Variants in ZFHX3 observed in about 807,000 individuals in gnomAD.
The protein encoded by ZFHX3 is zinc finger homeobox protein 3.
Under a neutral mutation model 279.1 loss-of-function variants are expected in ZFHX3, and 42 were observed. The ratio of observed to expected loss-of-function variants is 0.15; its 90% CI spans 0.12 to 0.19. The LOEUF (loss-of-function observed/expected upper bound fraction) is 0.19, where lower values mean the gene tolerates loss of function less well. Ranked by LOEUF, ZFHX3 falls within the 10% of genes least tolerant of loss-of-function variation. The pLI, the probability that ZFHX3 is intolerant of heterozygous loss-of-function variation, is 1.00. For missense variants in ZFHX3, 4,981 were observed against 4,754.0 expected (o/e 1.05, Z -1.40); for synonymous variants, 2,293 against 1,957.8 (o/e 1.17, Z -4.52).
At position 72,796,658 on chromosome 16, in the gene ZFHX3, A is replaced by T; in HGVS notation, c.6024T>A (p.Asn2008Lys). ...TCTCGAGCTGTTTGAAAGGAAAGTA[A>T]TTCTGATGAACGTGCTCTTGATGAC... ...LKSHQEHVHQ[N>K]YFPFKQLERF... The change falls in exon 9 of 10, where the codon AAT becomes AAA. Residue 2008 changes from asparagine (N) to lysine (K), a missense_variant. Around this residue, in one of 7 missense-constraint regions of ZFHX3, gnomAD observed 1,751 missense variants for 1,770.0 expected, o/e 0.99. Transcript: ENST00000268489. 1.2e-6 allele frequency: 2 copies of T among 1,614,052 alleles called. No individual in the cohort carries two copies. Among genetic ancestry groups the T allele is most frequent in the Non-Finnish European group, 8.5e-7 (1 of 1,180,022 alleles).
chr16:73,818,689 G>A (rs1441844850), intron 1 of ZFHX3, among the ~76,000 whole-genome samples: 1 of 152,172 alleles, frequency 6.6e-6, no homozygotes, highest in Non-Finnish European at 1.5e-5. Context: ...TCAAGGTAAG[G>A]GAGATGAAAG....
intron 3 of ZFHX3, among the ~76,000 whole-genome samples, chr16:73,356,519 C>T (rs2016343677): frequency 6.6e-6 from 1 of 152,018 alleles, no homozygotes; most frequent in Non-Finnish European, 1.5e-5. Flanking sequence ...GTGACACATG[C>T]CTTGTTCTAC....
At chr16:73,198,059 T>G (rs1323819185) in intron 5 of ZFHX3, among the ~76,000 whole-genome samples, 3 of 148,980 alleles carry the variant, frequency 2.0e-5, no homozygotes, top group African/African-American at 2.5e-5. Flanking sequence ...TGCCTCAGCC[T>G]CCTGAGTAGC....
rs145260850 is a variant in ZFHX3, at chr16:73,248,645, A to ATGTGTGTGTGTGTGTGTG, written c.-1104+8384_-1104+8401dup. On this transcript the variant is annotated intron_variant, in intron 5 of 17. Coordinates refer to the ZFHX3 transcript ENST00000641206. Reference sequence around the variant, plus strand: ...CTACGTGCCTGTATGTGGAGAATGTATGTGTGTGTGTGTGTGTGTGCACGT... The same window carrying ATGTGTGTGTGTGTGTGTG: ...CTACGTGCCTGTATGTGGAGAATGTATGTGTGTGTGTGTGTGTGTGTGTGTGTGTGTGTGTGTGCACGT... 4.9e-4 allele frequency among the ~76,000 whole-genome samples: 73 copies of ATGTGTGTGTGTGTGTGTG among 149,120 alleles called. 1 individual carries two copies. The highest frequency in any genetic ancestry group is 9.9e-4 in the African/African-American group (40 of 40,506).
intron 5 of ZFHX3, among the ~76,000 whole-genome samples, chr16:73,179,140 A>T (rs538879710): frequency 5.9e-5 from 9 of 152,212 alleles, no homozygotes; most frequent in Admixed American, 1.3e-4. Context: ...ATGTTTACAC[A>T]GATTGCCCTT....
intron 1 of ZFHX3, among the ~76,000 whole-genome samples, chr16:73,707,506 C>T (rs1023051868): frequency 8.8e-5 from 13 of 146,998 alleles, no homozygotes; most frequent in South Asian, 2.1e-4. Context: ...AACCAAGCAC[C>T]GCATGTTCTC....
Position 72,797,608 on chromosome 16 carries a change from G to T in ZFHX3, c.5074C>A (p.Pro1692Thr). Residue 1692 changes from proline to threonine, a missense_variant, in exon 9 of 10, where the codon CCC becomes ACC. Pro to Thr is a conservative substitution (Grantham distance 38, BLOSUM62 -1). This residue lies in a region of ZFHX3 where 1,751 missense variants were observed against 1,770.0 expected (regional missense o/e 0.99). Transcript: ENST00000268489. ...TTGGCACCAATAGGATTCCCCAGGG[G>T]TGGCATCCCTACACTCTCAGTGGGC... ...QVPTESVGMP[P>T]LGNPIGANIA... 1 of 1,614,114 alleles carries T rather than the reference G, an allele frequency of 6.2e-7. No homozygotes were observed.
At chr16:73,605,880 G>A (rs2052174031) in intron 2 of ZFHX3, among the ~76,000 whole-genome samples, 1 of 151,724 alleles carries the variant, frequency 6.6e-6, no homozygotes, top group Admixed American at 6.6e-5. Flanking sequence ...TCTTCACAGG[G>A]CCATTTAAAA....
chr16:73,117,901 C>T (rs114046689), intron 7 of ZFHX3, among the ~76,000 whole-genome samples: 10 of 152,316 alleles, frequency 6.6e-5, no homozygotes, highest in Admixed American at 1.3e-4. Context: ...TCACCAGAAA[C>T]CAAATCTGCT....
rs528675862 is a variant in ZFHX3 at position 73,852,188 on chromosome 16, G to T, written c.-1608+39463C>A. Among the ~76,000 whole-genome samples, 193 of 152,326 alleles carry T rather than the reference G, an allele frequency of 1.3e-3. 1 individual carries two copies. The highest frequency in any genetic ancestry group is 4.6e-3 in the African/African-American group (191 of 41,568). ...GTAAGTCAAGGGATAACTGCAGGCT[G>T]TTTTGTTCCAGACTCTATTGTTCAC... On this transcript the variant is annotated intron_variant, in intron 1 of 17. Coordinates refer to the ZFHX3 transcript ENST00000641206.
Position 72,937,153 on chromosome 16 carries a change from G to A in ZFHX3, c.3216+13316C>T, listed in dbSNP as rs373989026. ...CTGCGGAGTTCATTCTCAGACATTC[G>A]AATGCAAATGCCAGGTGGGGAGCTG... On this transcript the variant is annotated intron_variant, in intron 3 of 9. Coordinates refer to ENST00000268489, the MANE Select transcript of ZFHX3 (RefSeq NM_006885.4). Among the ~76,000 whole-genome samples the A allele has an allele frequency of 2.7e-4, 41 of 152,206 alleles. No homozygotes were observed. In the East Asian group the frequency reaches 3.1e-3, roughly 11 times the overall value.
At chr16:73,837,825 G>T (rs1405520970) in intron 1 of ZFHX3, among the ~76,000 whole-genome samples, 1 of 152,022 alleles carries the variant, frequency 6.6e-6, no homozygotes, top group African/African-American at 2.4e-5. Flanking sequence ...TAGTAGAAAC[G>T]GGGTTTCTCC....
At chr16:72,966,734 G>A (rs1170740018) in intron 1 of ZFHX3, among the ~76,000 whole-genome samples, 1 of 152,230 alleles carries the variant, frequency 6.6e-6, no homozygotes, top group Non-Finnish European at 1.5e-5. Flanking sequence ...ATGAAACCCT[G>A]CCTGCCACAG....
rs758175339 is a variant in ZFHX3 at position 73,470,200 on chromosome 16, C to T, written c.-1546-13942G>A. On this transcript the variant is annotated intron_variant, in intron 2 of 17. Coordinates refer to the ZFHX3 transcript ENST00000641206. ...CTCTGAGTAGCGAGTTTGACGCTTT[C>T]ATTTCTCCTGCTAATGTACACTTTT... 1.2e-4 allele frequency among the ~76,000 whole-genome samples: 19 copies of T among 152,204 alleles called. 1 individual carries two copies. The highest frequency in any genetic ancestry group is 2.6e-4 in the Non-Finnish European group (18 of 68,040).
intron 1 of ZFHX3, among the ~76,000 whole-genome samples, chr16:73,842,093 G>GT (rs1172180796): frequency 2.0e-5 from 3 of 151,938 alleles, no homozygotes; most frequent in Non-Finnish European, 2.9e-5. Context: ...GCGCACGCCT[G>GT]TAATCCCAGC....
At chr16:73,525,606 C>T (rs1228077840) in intron 2 of ZFHX3, among the ~76,000 whole-genome samples, 3 of 152,144 alleles carry the variant, frequency 2.0e-5, no homozygotes, top group Non-Finnish European at 4.4e-5. Flanking sequence ...TAGCTGCACA[C>T]CAGTGTACCC....
chr16:73,391,567 G>T (rs557561337), intron 3 of ZFHX3, among the ~76,000 whole-genome samples: 6 of 152,272 alleles, frequency 3.9e-5, no homozygotes, highest in Non-Finnish European at 8.8e-5. Flanking sequence ...CTCATGCCTT[G>T]GTTTGGCTCA....
intron 5 of ZFHX3, among the ~76,000 whole-genome samples, chr16:73,195,413 A>ATTTTTTTTTTTTTTTTTTTTTTTTT (rs9302646): frequency 1.1e-5 from 1 of 93,118 alleles, no homozygotes; most frequent in African/African-American, 4.3e-5. Flanking sequence ...TGTCTTTACT[A>ATTTTTTTTTTTTTTTTTTTTTTTTT]TTTTTTTTTT....
chr16:73,486,666 G>A (rs1597354699), intron 2 of ZFHX3: 1 of 397,392 alleles, frequency 2.5e-6, no homozygotes, highest in East Asian at 7.2e-5. Context: ...GGGATTAGAG[G>A]TGTGATGCAG....
Sources: gnomAD v4.1 joint callset for allele counts (sites outside exome capture counted in the v4.1 genomes callset) on GRCh38, gnomAD v4.1.1 for gene constraint, gnomAD v4.1.1 regional missense constraint, MANE v1.5 for transcripts, NCBI Gene and HGNC (gene_info 2026-07-23, HGNC 2026-07-21) for gene names.